MARK4: variants seen among roughly 807,000 people sequenced by gnomAD.
The protein encoded by MARK4 is microtubule affinity regulating kinase 4.
Under a neutral mutation model 81.5 loss-of-function variants are expected in MARK4, and 19 were observed. The observed-to-expected ratio is 0.23, with a 90% confidence interval of 0.16 to 0.34. The LOEUF (loss-of-function observed/expected upper bound fraction) is 0.34. Among genes scored for constraint, MARK4 ranks in the 10% least tolerant of loss-of-function variants. The probability of loss-of-function intolerance (pLI) is 1.00; values close to 1 mark genes in which losing one functional copy is unlikely to be tolerated. For missense variants in MARK4, 772 were observed against 1,058.8 expected (o/e 0.73, Z 3.76); for synonymous variants, 436 against 439.0 (o/e 0.99, Z 0.08).
Position 45,302,256 on chromosome 19 carries a change from G to A in MARK4, c.1923-118G>A. ...AACTGTCGCTGGGGTAACAGGGGAAGATGTTTTTTGAGGGGATGGCTAGGA... is the reference window on the plus strand; with the variant it reads ...AACTGTCGCTGGGGTAACAGGGGAAAATGTTTTTTGAGGGGATGGCTAGGA... On this transcript the variant is annotated intron_variant, in intron 16 of 16. Coordinates refer to ENST00000262891, the MANE Select transcript of MARK4 (RefSeq NM_001199867.2). This position sits in a 1 kb window ranked among gnomAD's most constrained non-coding sequence, Gnocchi z 4.9. 1 of 1,557,898 alleles carries A rather than the reference G, an allele frequency of 6.4e-7. No individual in the cohort carries two copies. The highest frequency in any genetic ancestry group is 8.7e-7 in the Non-Finnish European group (1 of 1,151,530).
chr19:45,278,607 A>G lies in MARK4; in HGVS notation c.998A>G (p.Lys333Arg), dbSNP rs1970632350. ...TEPEEDFGDT[K>R]RIEVMVGMGY... is the part of the protein sequence containing the mutation. ...CCCGAGGAGGACTTCGGGGACACCA[A>G]GAGAATTGGTGAGGGTCAGGGAGAG... The change falls in exon 10 of 17, where the codon AAG becomes AGG. Residue 333 changes from lysine (K) to arginine (R), a missense_variant. Physicochemically the swap from Lys to Arg is conservative, Grantham distance 26. Around this residue, in one of 3 missense-constraint regions of MARK4, gnomAD observed 548 missense variants for 624.3 expected, o/e 0.88. Coordinates refer to ENST00000262891, the MANE Select transcript of MARK4 (RefSeq NM_001199867.2). The G allele has an allele frequency of 1.2e-6, 2 of 1,613,038 alleles. No individual in the cohort carries two copies. The highest frequency in any genetic ancestry group is 1.3e-5 in the African/African-American group (1 of 75,000).
intron 10 of MARK4, among the ~76,000 whole-genome samples, chr19:45,279,130 TAGG>T (rs1167660254): frequency 6.6e-6 from 1 of 151,900 alleles, no homozygotes; most frequent in Non-Finnish European, 1.5e-5. Context: ...CAAGCTGAGG[TAGG>T]AGGATCCCTT....
chr19:45,274,185 CT>C (rs1970569356), intron 8 of MARK4, among the ~76,000 whole-genome samples: 1 of 151,618 alleles, frequency 6.6e-6, no homozygotes, highest in Non-Finnish European at 1.5e-5. Context: ...GGAGGTGGAG[CT>C]TGGAGTGAGC....
chr19:45,303,574 A>T lies in MARK4; in HGVS notation c.*864A>T, dbSNP rs1355399284. ...TCATCCCCGAGGCCCCAGTTCCTAT[A>T]TCGGGCCCCCCATTCATCCACTCAC... On this transcript the variant is annotated 3_prime_UTR_variant, in exon 17 of 17. Coordinates refer to ENST00000262891, the MANE Select transcript of MARK4 (RefSeq NM_001199867.2). 6.6e-6 allele frequency: 1 copy of T among 152,144 alleles called. No individual in the cohort carries two copies. The highest frequency in any genetic ancestry group is 1.5e-5 in the Non-Finnish European group (1 of 68,046). The allele number at this position is 152,144 out of a possible 1,614,324, so 9.4% of individuals were successfully genotyped here. A position where few individuals can be genotyped will look rare whatever the true frequency, so the allele number is the denominator to read the frequency against.
intron 14 of MARK4, among the ~76,000 whole-genome samples, chr19:45,296,653 G>A (rs1333322785): frequency 2.6e-5 from 4 of 152,246 alleles, no homozygotes; most frequent in Non-Finnish European, 5.9e-5. Context: ...TACCAAGAAC[G>A]AAACAGGGAG....
chr19:45,290,495 G>A (rs746998523), intron 13 of MARK4, among the ~76,000 whole-genome samples: 1 of 152,254 alleles, frequency 6.6e-6, no homozygotes, highest in Non-Finnish European at 1.5e-5. Context: ...AGCCTTTACT[G>A]GCAGTGTCCA....
chr19:45,266,905 T>TA (rs1208156105), intron 7 of MARK4, among the ~76,000 whole-genome samples: 1 of 151,196 alleles, frequency 6.6e-6, no homozygotes, highest in Non-Finnish European at 1.5e-5. Flanking sequence ...GCTAATTTTT[T>TA]ATATTTTTAG....
chr19:45,274,130 T>C (rs1274111008), intron 8 of MARK4, among the ~76,000 whole-genome samples: 1 of 152,088 alleles, frequency 6.6e-6, no homozygotes, highest in Non-Finnish European at 1.5e-5. Flanking sequence ...GCGCCTGTAG[T>C]CCCAGCCACT....
intron 2 of MARK4, among the ~76,000 whole-genome samples, chr19:45,260,112 G>A (rs766540070): frequency 1.2e-4 from 18 of 151,744 alleles, no homozygotes; most frequent in East Asian, 3.9e-4. Flanking sequence ...TTAAAAGGCC[G>A]TGCGCGGTGG....
At chr19:45,299,681 T>C (rs1970941290) in intron 15 of MARK4, 130 bp from the exon 16 acceptor site, 1 of 666,470 alleles carries the variant, frequency 1.5e-6, no homozygotes, top group African/African-American at 1.8e-5. Context: ...AAATCCTGAC[T>C]CCAGGCCCTC....
In MARK4 at chr19:45,304,440, C is replaced by G. The variant is rs1295459648; in HGVS notation, c.*1730C>G. The G allele has an allele frequency of 2.0e-5, 3 of 152,246 alleles. No homozygotes were observed. The highest frequency in any genetic ancestry group is 7.2e-5 in the African/African-American group (3 of 41,434). 9.4% of individuals were successfully genotyped at this position (152,246 alleles called of 1,614,324 possible). On this transcript the variant is annotated 3_prime_UTR_variant, in exon 17 of 17. Coordinates refer to ENST00000262891, the MANE Select transcript of MARK4 (RefSeq NM_001199867.2). ...CAGGAGAAAAGGCATGGGAGCTGGA[C>G]AGATTATAGTGGTTGAAGTCTGTGC... is the stretch of plus-strand genomic sequence containing the variant.
intron 7 of MARK4, among the ~76,000 whole-genome samples, chr19:45,266,730 CTTTT>C (rs35618045): frequency 8.0e-6 from 1 of 124,262 alleles, no homozygotes; most frequent in African/African-American, 3.1e-5. Context: ...AATCTGAGAA[CTTTT>C]TTTTTTTTTT....
At chr19:45,273,121 A>C (rs1454393942) in intron 8 of MARK4, among the ~76,000 whole-genome samples, 1 of 150,436 alleles carries the variant, frequency 6.6e-6, no homozygotes, top group Non-Finnish European at 1.5e-5. Flanking sequence ...GTGTGGGCTG[A>C]GTTGTTGCTT....
At position 45,297,965 on chromosome 19, in the gene MARK4, C is replaced by T. The variant is rs79214602; in HGVS notation, c.1877+11C>T. On this transcript the variant is annotated intron_variant, in intron 15 of 16. Coordinates refer to ENST00000262891, the MANE Select transcript of MARK4 (RefSeq NM_001199867.2). ...CAAACTGACCCGAAGGTGAGCTCCGCGGGGATGGCAGGGGCAGGGCGGGGC... is the reference window on the plus strand; with the variant it reads ...CAAACTGACCCGAAGGTGAGCTCCGTGGGGATGGCAGGGGCAGGGCGGGGC... 16 of 932,744 alleles carry T rather than the reference C, an allele frequency of 1.7e-5. No homozygotes were observed. The highest frequency in any genetic ancestry group is 2.2e-5 in the Non-Finnish European group (14 of 644,800). The allele number at this position is 932,744 out of a possible 1,614,324, so 57.8% of individuals were successfully genotyped here.
At chr19:45,300,035 C>G (rs936272433) in intron 16 of MARK4, among the ~76,000 whole-genome samples, 180 bp downstream of exon 16, 7 of 152,230 alleles carry the variant, frequency 4.6e-5, no homozygotes, top group African/African-American at 1.7e-4. Flanking sequence ...ACCCCAAGCA[C>G]CTTCCCTTGA....
chr19:45,262,584 A>G (rs376725347), intron 2 of MARK4, among the ~76,000 whole-genome samples: 81 of 152,322 alleles, frequency 5.3e-4, no homozygotes, highest in African/African-American at 1.9e-3. Flanking sequence ...GGTCTCGTCC[A>G]TGCCCACATC....
At chr19:45,277,412 A>G (rs1970611936) in intron 8 of MARK4, among the ~76,000 whole-genome samples, 2 of 151,472 alleles carry the variant, frequency 1.3e-5, no homozygotes, top group Non-Finnish European at 2.9e-5. Context: ...TTTCCTCTGA[A>G]TGAAAAGTTA....
intron 14 of MARK4, 71 bp downstream of exon 14, chr19:45,294,523 G>A (rs1970861307): frequency 7.6e-7 from 1 of 1,319,612 alleles, no homozygotes; most frequent in Admixed American, 1.8e-5. Context: ...CCCTTGATCT[G>A]AGATGATAGG....
chr19:45,256,743 G>A (rs1970312264), intron 1 of MARK4, among the ~76,000 whole-genome samples: 1 of 152,056 alleles, frequency 6.6e-6, no homozygotes, highest in South Asian at 2.1e-4. Context: ...CTGCTTTTTC[G>A]CACTTTGCCT....
Sources: allele counts gnomAD v4.1 joint callset (sites outside exome capture counted in the v4.1 genomes callset), GRCh38; gene constraint gnomAD v4.1.1; regional missense constraint gnomAD v4.1.1; non-coding constraint Gnocchi (gnomAD v3.1); transcripts MANE v1.5; gene names NCBI Gene and HGNC (gene_info 2026-07-23, HGNC 2026-07-21).